Variants in GRM5 observed in about 807,000 individuals in gnomAD.
The protein encoded by GRM5 is glutamate metabotropic receptor 5, also known as metabotropic glutamate receptor 5.
In GRM5, 19 loss-of-function variants were observed where a neutral mutation model predicts 83.1. That is an observed-to-expected ratio of 0.23 (90% CI 0.16 to 0.34). GRM5 has a LOEUF of 0.34. Ranked by LOEUF, GRM5 falls within the 10% of genes least tolerant of loss-of-function variation. GRM5 has a pLI of 1.00. For synonymous variants in GRM5, 675 were observed against 633.6 expected (o/e 1.07, Z -0.98); for missense variants, 1,160 against 1,588.3 (o/e 0.73, Z 4.58).
Position 88,872,250 on chromosome 11 carries a change from T to C in GRM5, c.662-22095A>G, listed in dbSNP as rs146330043. ...AAAATTAATCACCAAGGAAGAAGCA[T>C]ATTAAGATGCAGGAAACAAGGCACT... On this transcript the variant is annotated intron_variant, in intron 2 of 9. Coordinates refer to ENST00000305447, the MANE Select transcript of GRM5 (RefSeq NM_001143831.3). Among the ~76,000 whole-genome samples the C allele has an allele frequency of 3.2e-3, 483 of 151,598 alleles. 5 individuals carry two copies. The highest frequency in any genetic ancestry group is 0.011 in the African/African-American group (465 of 41,470).
intron 3 of GRM5, among the ~76,000 whole-genome samples, chr11:88,778,194 G>A (rs1942899378): frequency 1.3e-5 from 2 of 152,218 alleles, no homozygotes; most frequent in Non-Finnish European, 2.9e-5. Flanking sequence ...GCTACAGCCT[G>A]GCAGAGTGAT....
chr11:89,010,995 T>G (rs1940680406), intron 2 of GRM5, among the ~76,000 whole-genome samples: 1 of 152,228 alleles, frequency 6.6e-6, no homozygotes, highest in African/African-American at 2.4e-5. Flanking sequence ...TATATTTAAT[T>G]TAATGTGGTT....
At chr11:88,882,776 C>T (rs748681801) in intron 2 of GRM5, among the ~76,000 whole-genome samples, 1 of 151,996 alleles carries the variant, frequency 6.6e-6, no homozygotes, top group Non-Finnish European at 1.5e-5. Context: ...CAAGGTTTGG[C>T]TGTGTTCCCA....
chr11:88,891,121 G>A (rs1945137388), intron 2 of GRM5, among the ~76,000 whole-genome samples: 1 of 151,924 alleles, frequency 6.6e-6, no homozygotes, highest in Non-Finnish European at 1.5e-5. Flanking sequence ...TTATAAAAAA[G>A]GTTTGTAAGG....
intron 3 of GRM5, among the ~76,000 whole-genome samples, chr11:88,803,760 G>T (rs1943445054): frequency 6.6e-6 from 1 of 151,952 alleles, no homozygotes; most frequent in Non-Finnish European, 1.5e-5. Flanking sequence ...CCTACAAAAT[G>T]GGAGAAAATT....
At chr11:89,043,570 GTTA>G (rs1941579467) in intron 2 of GRM5, among the ~76,000 whole-genome samples, 1 of 136,410 alleles carries the variant, frequency 7.3e-6, no homozygotes, top group Non-Finnish European at 1.5e-5. Flanking sequence ...ATTAATGCAT[GTTA>G]TTTTTTTTTT....
intron 3 of GRM5, among the ~76,000 whole-genome samples, chr11:88,746,695 C>T (rs1306933598): frequency 6.6e-6 from 1 of 152,092 alleles, no homozygotes; most frequent in East Asian, 1.9e-4. Context: ...TTTCTGACTT[C>T]TTGCTATAGC....
At chr11:88,802,686 G>A (rs926464579) in intron 3 of GRM5, among the ~76,000 whole-genome samples, 14 of 151,846 alleles carry the variant, frequency 9.2e-5, no homozygotes, top group African/African-American at 3.4e-4. Context: ...TCTGGCCAGG[G>A]CAATTAGGCA....
At chr11:88,889,831 C>T (rs1382256606) in intron 2 of GRM5, among the ~76,000 whole-genome samples, 1 of 152,044 alleles carries the variant, frequency 6.6e-6, no homozygotes, top group Non-Finnish European at 1.5e-5. Context: ...TGCCACAGAC[C>T]CCATTGTGGG....
chr11:88,808,325 T>C (rs1212387661), intron 3 of GRM5, among the ~76,000 whole-genome samples: 1 of 152,000 alleles, frequency 6.6e-6, no homozygotes, highest in Non-Finnish European at 1.5e-5. Context: ...TTTACAGCCA[T>C]AGAATTTTAG....
At chr11:88,775,745 C>G (rs1167287959) in intron 3 of GRM5, among the ~76,000 whole-genome samples, 1 of 152,106 alleles carries the variant, frequency 6.6e-6, no homozygotes, top group Non-Finnish European at 1.5e-5. Flanking sequence ...TGTAGTTGAG[C>G]AGTTTTGAGT....
chr11:88,867,386 C>A (rs891021276), intron 2 of GRM5, among the ~76,000 whole-genome samples: 3 of 151,746 alleles, frequency 2.0e-5, no homozygotes, highest in African/African-American at 7.3e-5. Context: ...TGAGAAACAA[C>A]AGTAACTTGA....
In GRM5 at chr11:88,967,213, GTATATA is replaced by G. The variant is rs56696998; in HGVS notation, c.661+79993_661+79998del. Among the ~76,000 whole-genome samples the G allele has an allele frequency of 9.5e-4, 93 of 98,204 alleles. 1 individual carries two copies. The highest frequency in any genetic ancestry group is 2.5e-3 in the South Asian group (5 of 1,972). The allele number at this position is 98,204 out of a possible 152,430, so 64.4% of individuals were successfully genotyped here. ...AAGATATATGTGTGTGTGTGTGTGTGTATATATGTGTGTGTATGTATATATATATAT... is the reference window on the plus strand; with the variant it reads ...AAGATATATGTGTGTGTGTGTGTGTGTGTGTGTGTATGTATATATATATAT... On this transcript the variant is annotated intron_variant, in intron 2 of 9. Transcript: ENST00000305447.
chr11:88,604,537 T>C (rs1417789301), intron 5 of GRM5, among the ~76,000 whole-genome samples, 181 bp downstream of exon 5: 1 of 152,170 alleles, frequency 6.6e-6, no homozygotes, highest in Non-Finnish European at 1.5e-5. Flanking sequence ...ACAAATGCTT[T>C]TTTCCTGGCC....
At chr11:89,026,471 A>G (rs1293736628) in intron 2 of GRM5, among the ~76,000 whole-genome samples, 1 of 152,228 alleles carries the variant, frequency 6.6e-6, no homozygotes, top group Non-Finnish European at 1.5e-5. Context: ...TATAGATAGC[A>G]TGGTGTAATA....
At chr11:88,631,246 A>C (rs1004738200) in intron 4 of GRM5, among the ~76,000 whole-genome samples, 8 of 152,226 alleles carry the variant, frequency 5.3e-5, no homozygotes, top group Non-Finnish European at 8.8e-5. Context: ...ATACCGTACC[A>C]AAACACCTAC....
chr11:88,762,462 A>G (rs1032821976), intron 3 of GRM5, among the ~76,000 whole-genome samples: 1 of 151,656 alleles, frequency 6.6e-6, no homozygotes, highest in African/African-American at 2.4e-5. Flanking sequence ...AGAGAAGTGC[A>G]AGTCAAAACC....
At chr11:88,976,882 C>T (rs568710566) in intron 2 of GRM5, among the ~76,000 whole-genome samples, 1 of 151,858 alleles carries the variant, frequency 6.6e-6, no homozygotes, top group Non-Finnish European at 1.5e-5. Flanking sequence ...CTTAGATATG[C>T]TATTTTTTCC....
chr11:89,059,233 T>C (rs1486428349), intron 1 of GRM5, among the ~76,000 whole-genome samples: 2 of 152,192 alleles, frequency 1.3e-5, no homozygotes, highest in African/African-American at 4.8e-5. Flanking sequence ...TAGAATAATA[T>C]ATACAGAAAA....
Sources: allele counts gnomAD v4.1 joint callset (sites outside exome capture counted in the v4.1 genomes callset), GRCh38; gene constraint gnomAD v4.1.1; transcripts MANE v1.5; gene names NCBI Gene and HGNC (gene_info 2026-07-23, HGNC 2026-07-21).